The following CLCC1 variants were observed in gnomAD, a reference collection of about 807,000 sequenced individuals.
CLCC1 encodes chloride channel CLIC-like protein 1.
A neutral mutation model predicts 63.3 loss-of-function variants in CLCC1; 39 were observed. The ratio of observed to expected loss-of-function variants is 0.62; its 90% CI spans 0.48 to 0.81. CLCC1 has a LOEUF of 0.81. Among genes scored for constraint, CLCC1 ranks in the 30% least tolerant of loss-of-function variants. The pLI is 0.00. For synonymous variants in CLCC1, 217 were observed against 239.8 expected (o/e 0.90, Z 0.88); for missense variants, 549 against 669.4 (o/e 0.82, Z 1.98).
chr1:108,951,851 A>G (rs1019174608), intron 2 of CLCC1, among the ~76,000 whole-genome samples: 1 of 148,594 alleles, frequency 6.7e-6, no homozygotes, highest in Non-Finnish European at 1.5e-5. Flanking sequence ...TTACTTGCAG[A>G]CTCAACCTCC....
Position 108,931,230 on chromosome 1 carries a change from T to A in CLCC1, c.*1317A>T. ...GACACATAAACAAACAGAAAACAGA[T>A]GAAAACTCACAAAAATTAAATATGA... On this transcript the variant is annotated 3_prime_UTR_variant, in exon 13 of 13. Transcript: ENST00000369969. The A allele has an allele frequency of 7.3e-7, 1 of 1,373,360 alleles. No homozygotes were observed. The highest frequency in any genetic ancestry group is 1.5e-5 in the South Asian group (1 of 65,330). The allele number at this position is 1,373,360 out of a possible 1,614,324, so 85.1% of individuals were successfully genotyped here.
intron 2 of CLCC1, among the ~76,000 whole-genome samples, chr1:108,955,495 G>C (rs1430280682): frequency 6.6e-6 from 1 of 151,412 alleles, no homozygotes; most frequent in Non-Finnish European, 1.5e-5. Context: ...ATGGTTCTAG[G>C]CCTAGCCTTC....
At chr1:108,961,299 A>AAAC (rs10686958) in intron 2 of CLCC1, among the ~76,000 whole-genome samples, 1 of 150,562 alleles carries the variant, frequency 6.6e-6, no homozygotes, top group Non-Finnish European at 1.5e-5. Context: ...AAAAAAAAAA[A>AAAC]CGATTCTGAT....
In CLCC1 at chr1:108,943,866, G is replaced by A. The variant is rs986664481; in HGVS notation, c.531C>T (p.Ser177=). The part of the protein sequence containing the change: ...FETWKWRFED[S]FGVDPYNVLM... ...ACACATTATATGGATCCACTCCAAA[G>A]GAATCTTCGAATCGCCACTTCCATG... Residue 177 remains serine, a synonymous_variant, in exon 6 of 13, where the codon TCC becomes TCT. Coordinates refer to ENST00000369969, the MANE Select transcript of CLCC1 (RefSeq NM_001377458.1). 1 of 1,613,668 alleles carries A rather than the reference G, an allele frequency of 6.2e-7. No individual in the cohort carries two copies. The highest frequency in any genetic ancestry group is 8.5e-7 in the Non-Finnish European group (1 of 1,179,706).
chr1:108,952,240 G>A (rs1455842516), intron 2 of CLCC1, among the ~76,000 whole-genome samples: 10 of 152,026 alleles, frequency 6.6e-5, no homozygotes, highest in East Asian at 1.9e-4. Context: ...GTGCAATGGC[G>A]CAATCTCGGC....
Position 108,931,746 on chromosome 1 carries a change from A to G in CLCC1, c.*801T>C. 3.2e-6 allele frequency: 1 copy of G among 308,818 alleles called. No homozygotes were observed. Among genetic ancestry groups the G allele is most frequent in the Non-Finnish European group, 5.6e-6 (1 of 177,590 alleles). 19.1% of individuals were successfully genotyped at this position (308,818 alleles called of 1,614,324 possible). A position where few individuals can be genotyped will look rare whatever the true frequency, so the allele number is the denominator to read the frequency against. ...CTCAGGTAAGTTTCATGGGGTTCTT[A>G]TAAGAAAATTCAGTTAAGACAATAT... On this transcript the variant is annotated 3_prime_UTR_variant, in exon 13 of 13. Coordinates refer to ENST00000369969, the MANE Select transcript of CLCC1 (RefSeq NM_001377458.1).
rs745595282 is a variant in CLCC1 at position 108,939,704 on chromosome 1, C to T, written c.973G>A (p.Ala325Thr). ...IGKGTGEFIK[A>T]LMKEIPALLH... The stretch of plus-strand genomic sequence containing the variant: ...AGCGCTGGAATTTCCTTCATGAGTG[C>T]TTTAATAAATTCCCCAGTTCCTTTT... The change falls in exon 10 of 13, where the codon GCA becomes ACA. Residue 325 changes from alanine (A) to threonine (T), a missense_variant. Physicochemically the swap from Ala to Thr is moderately conservative, Grantham distance 58 (BLOSUM62 0). Coordinates refer to ENST00000369969, the MANE Select transcript of CLCC1 (RefSeq NM_001377458.1). 1.9e-6 allele frequency: 3 copies of T among 1,614,008 alleles called. No individual in the cohort carries two copies. Among genetic ancestry groups the T allele is most frequent in the Admixed American group, 1.7e-5 (1 of 59,988 alleles).
Position 108,943,458 on chromosome 1 carries a change from C to T in CLCC1, c.702+17G>A, listed in dbSNP as rs1356255781. The T allele has an allele frequency of 1.2e-6, 2 of 1,606,096 alleles. No individual in the cohort carries two copies. The highest frequency in any genetic ancestry group is 2.2e-5 in the South Asian group (2 of 89,994). ...ATAAATGTGTTAAAATTGTAAAACCCTCCATCCATATAATACCTTATATAA... is the reference window on the plus strand; with the variant it reads ...ATAAATGTGTTAAAATTGTAAAACCTTCCATCCATATAATACCTTATATAA... On this transcript the variant is annotated intron_variant, in intron 7 of 12. Transcript: ENST00000369969.
In CLCC1 at chr1:108,941,293, T is replaced by C. The variant is rs142703963; in HGVS notation, c.796+112A>G. The stretch of plus-strand genomic sequence containing the variant: ...ATGCTTCTTGCATGTTCTTCTGATA[T>C]TAAAGATTCAGTCATGGAAAGCCTC... On this transcript the variant is annotated intron_variant, in intron 8 of 12. Transcript: ENST00000369969. The C allele has an allele frequency of 4.6e-5, 44 of 951,662 alleles. No homozygotes were observed. In the African/African-American group the frequency reaches 6.9e-4, roughly 15 times the overall value. The allele number at this position is 951,662 out of a possible 1,614,324, so 59.0% of individuals were successfully genotyped here.
Position 108,929,635 on chromosome 1 carries a change from G to A in CLCC1, c.*2912C>T. 5.4e-6 allele frequency: 8 copies of A among 1,484,176 alleles called. No individual in the cohort carries two copies. The highest frequency in any genetic ancestry group is 7.5e-6 in the Non-Finnish European group (8 of 1,062,916). The allele number at this position is 1,484,176 out of a possible 1,614,324, so 91.9% of individuals were successfully genotyped here. A position where few individuals can be genotyped will look rare whatever the true frequency, so the allele number is the denominator to read the frequency against. On this transcript the variant is annotated 3_prime_UTR_variant, in exon 13 of 13. Coordinates refer to ENST00000369969, the MANE Select transcript of CLCC1 (RefSeq NM_001377458.1). ...CTGCGTTTTCTTGTTGTGACTGAGA[G>A]ATTTAACATAGCTTGGTGCTTTCTT... is the stretch of plus-strand genomic sequence containing the variant.
intron 2 of CLCC1, among the ~76,000 whole-genome samples, chr1:108,956,882 A>AGGGAGGTGGGGAGGCG (rs1655966027): frequency 9.6e-6 from 1 of 104,420 alleles, no homozygotes; most frequent in Non-Finnish European, 1.9e-5. Context: ...GCTGGGAGGC[A>AGGGAGGTGGGGAGGCG]GGGAGGCGGG....
rs1656951585 is a variant in CLCC1, at chr1:108,963,471, T to G, written c.-283A>C. On this transcript the variant is annotated 5_prime_UTR_variant, in exon 1 of 13. Coordinates refer to ENST00000369969, the MANE Select transcript of CLCC1 (RefSeq NM_001377458.1). ...GTTTCAGCGTGCTTCCTGGGCCTCG[T>G]CATCGAATTGTTCGGCTGACGGCTG... 4.3e-6 allele frequency: 3 copies of G among 702,014 alleles called. No individual in the cohort carries two copies. The highest frequency in any genetic ancestry group is 7.8e-6 in the Non-Finnish European group (3 of 384,504). The allele number at this position is 702,014 out of a possible 1,614,324, so 43.5% of individuals were successfully genotyped here. A position where few individuals can be genotyped will look rare whatever the true frequency, so the allele number is the denominator to read the frequency against.
chr1:108,950,511 G>GTTT, intron 2 of CLCC1, 63 bp from the exon 3 acceptor site: 2 of 833,894 alleles, frequency 2.4e-6, no homozygotes, highest in Non-Finnish European at 3.2e-6. Context: ...TTGGGTTTTG[G>GTTT]GTTATTATTA....
Position 108,929,838 on chromosome 1 carries a change from A to G in CLCC1, c.*2709T>C. 1 of 1,614,080 alleles carries G rather than the reference A, an allele frequency of 6.2e-7. No homozygotes were observed. The highest frequency in any genetic ancestry group is 8.5e-7 in the Non-Finnish European group (1 of 1,179,948). On this transcript the variant is annotated 3_prime_UTR_variant, in exon 13 of 13. Transcript: ENST00000369969. ...TGGATGAACAGAGAGTTCTTTTACA[A>G]AGAGATCAAAACAGAGACACTGACT...
Position 108,931,315 on chromosome 1 carries a change from A to G in CLCC1, c.*1232T>C. 1 of 1,546,820 alleles carries G rather than the reference A, an allele frequency of 6.5e-7. No homozygotes were observed. Among genetic ancestry groups the G allele is most frequent in the Non-Finnish European group, 8.7e-7 (1 of 1,144,652 alleles). On this transcript the variant is annotated 3_prime_UTR_variant, in exon 13 of 13. Coordinates refer to ENST00000369969, the MANE Select transcript of CLCC1 (RefSeq NM_001377458.1). ...AAGCTTTGTCTTCCTTATCCCAGAT[A>G]TTGAAGGCAGTTTACAAGGGGATGA... is the stretch of plus-strand genomic sequence containing the variant.
At chr1:108,933,809 T>A (rs1652408043) in intron 12 of CLCC1, 1 of 152,232 alleles carries the variant, frequency 6.6e-6, no homozygotes, top group African/African-American at 2.4e-5. Context: ...TTCTTCCTCA[T>A]CATGGTATTC....
chr1:108,938,323 G>A (rs1470572476), intron 10 of CLCC1, among the ~76,000 whole-genome samples: 9 of 152,148 alleles, frequency 5.9e-5, no homozygotes, highest in Non-Finnish European at 2.9e-5. Flanking sequence ...GGGAGCACAT[G>A]AAACAAAAAC....
intron 2 of CLCC1, 36 bp downstream of exon 2, chr1:108,962,273 C>T (rs1656753960): frequency 6.6e-6 from 1 of 152,134 alleles, no homozygotes; most frequent in East Asian, 1.9e-4. Flanking sequence ...TTGGTTTCAA[C>T]GAAAGCACAT....
intron 5 of CLCC1, among the ~76,000 whole-genome samples, chr1:108,945,782 G>C (rs1654457411): frequency 6.6e-6 from 1 of 152,214 alleles, no homozygotes; most frequent in Non-Finnish European, 1.5e-5. Flanking sequence ...ACCTTTATTA[G>C]TGTGAGTTCA....
Sources: gnomAD v4.1 joint callset for allele counts (sites outside exome capture counted in the v4.1 genomes callset) on GRCh38, gnomAD v4.1.1 for gene constraint, MANE v1.5 for transcripts, NCBI Gene and HGNC (gene_info 2026-07-23, HGNC 2026-07-21) for gene names.